VMP1: variants seen among roughly 807,000 people sequenced by gnomAD.
VMP1 encodes the protein ectopic P-granules autophagy protein 3 homolog.
VMP1 carries 11 observed loss-of-function variants against 56.0 expected under a neutral mutation model. That is an observed-to-expected ratio of 0.20 (90% CI 0.12 to 0.32). VMP1 has a LOEUF of 0.32. Among genes scored for constraint, VMP1 ranks in the 10% least tolerant of loss-of-function variants. VMP1 has a pLI of 1.00. For missense variants in VMP1, 296 were observed against 490.3 expected (o/e 0.60, Z 3.74); for synonymous variants, 149 against 165.0 (o/e 0.90, Z 0.74).
intron 7 of VMP1, among the ~76,000 whole-genome samples, chr17:59,807,615 C>T (rs1038437445): frequency 6.6e-6 from 1 of 151,890 alleles, no homozygotes; most frequent in Non-Finnish European, 1.5e-5. Flanking sequence ...AGCTGATCAC[C>T]TGAGGTCAGG....
At chr17:59,723,266 T>A (rs367550058) in intron 1 of VMP1, among the ~76,000 whole-genome samples, 2 of 152,180 alleles carry the variant, frequency 1.3e-5, no homozygotes, top group Non-Finnish European at 2.9e-5. Context: ...AAAGAAAGAA[T>A]TGTCAGTATG....
intron 1 of VMP1, among the ~76,000 whole-genome samples, chr17:59,718,492 G>A (rs935007454): frequency 2.0e-5 from 3 of 150,608 alleles, no homozygotes; most frequent in South Asian, 4.2e-4. Context: ...CACCGTGCCC[G>A]GCCCCTCCTT....
chr17:59,727,324 C>G (rs182712725), intron 1 of VMP1, among the ~76,000 whole-genome samples: 1 of 151,892 alleles, frequency 6.6e-6, no homozygotes, highest in Non-Finnish European at 1.5e-5. Context: ...TTAGTAGAGA[C>G]AGGCTTTCAC....
At chr17:59,731,315 CAT>C in intron 1 of VMP1, 104 bp from the exon 2 acceptor site, 2 of 614,706 alleles carry the variant, frequency 3.3e-6, no homozygotes, top group Non-Finnish European at 5.4e-6. Flanking sequence ...TCATACATAT[CAT>C]GTGGCTTATT....
At chr17:59,783,193 C>G (rs952364141) in intron 7 of VMP1, among the ~76,000 whole-genome samples, 1 of 151,828 alleles carries the variant, frequency 6.6e-6, no homozygotes, top group African/African-American at 2.4e-5. Context: ...GAGACTCTGT[C>G]TCAAAAAAAC....
At chr17:59,786,468 G>C (rs959188095) in intron 7 of VMP1, among the ~76,000 whole-genome samples, 1 of 152,204 alleles carries the variant, frequency 6.6e-6, no homozygotes, top group African/African-American at 2.4e-5. Flanking sequence ...ATTCATGAAA[G>C]AGTTTATGGT....
chr17:59,817,692 A>G lies in VMP1; in HGVS notation c.913-20A>G. On this transcript the variant is annotated intron_variant, in intron 9 of 11. Transcript: ENST00000262291. ...TTTTGATGACTAAATAATTTATTTT[A>G]ACTGGTGTTTTCTTTACAGAAAATT... The G allele has an allele frequency of 1.3e-6, 2 of 1,567,794 alleles. No homozygotes were observed.
In VMP1 at chr17:59,832,182, C is replaced by CTTTT. The variant is rs766864144; in HGVS notation, c.975-6092_975-6089dup. Among the ~76,000 whole-genome samples the CTTTT allele has an allele frequency of 1.1e-3, 117 of 102,802 alleles. 6 individuals are homozygous for CTTTT. Among genetic ancestry groups the CTTTT allele is most frequent in the African/African-American group, 2.5e-3 (62 of 24,634 alleles). The allele number at this position is 102,802 out of a possible 152,430, so 67.4% of individuals were successfully genotyped here. On this transcript the variant is annotated intron_variant, in intron 10 of 11. Transcript: ENST00000262291. The stretch of plus-strand genomic sequence containing the variant: ...AGCAAGGAAAAGCAAATGAGATCAA[C>CTTTT]TTTTTTTTTTTTTTTTTTTTTTTTG...
chr17:59,755,173 T>A (rs1051319999), intron 5 of VMP1, among the ~76,000 whole-genome samples: 3 of 151,720 alleles, frequency 2.0e-5, no homozygotes, highest in Non-Finnish European at 4.4e-5. Flanking sequence ...AATGGCGCGA[T>A]CTTGGCTCAC....
intron 7 of VMP1, among the ~76,000 whole-genome samples, chr17:59,786,960 A>G (rs1204249559): frequency 6.6e-6 from 1 of 152,208 alleles, no homozygotes; most frequent in African/African-American, 2.4e-5. Flanking sequence ...CTCTTTTCAT[A>G]ATCAACCAAC....
intron 5 of VMP1, among the ~76,000 whole-genome samples, chr17:59,751,558 A>G (rs1240825457): frequency 6.7e-6 from 1 of 148,200 alleles, no homozygotes; most frequent in East Asian, 2.1e-4. Context: ...CCTGGCCAAC[A>G]TGGTGAAACC....
Position 59,839,975 on chromosome 17 carries a change from C to T in VMP1, c.*64C>T. 6.4e-6 allele frequency: 10 copies of T among 1,570,116 alleles called. No homozygotes were observed. Among genetic ancestry groups the T allele is most frequent in the Non-Finnish European group, 8.6e-6 (10 of 1,165,908 alleles). On this transcript the variant is annotated 3_prime_UTR_variant, in exon 12 of 12. Transcript: ENST00000262291. ...GGTTCTGCCTTAAATTGGGAGGACT[C>T]CAAGCCGGGAAGGAAAATTCCCTTT...
chr17:59,817,763 G>T lies in VMP1; in HGVS notation c.964G>T (p.Ala322Ser), dbSNP rs142698905. 1 of 1,606,878 alleles carries T rather than the reference G, an allele frequency of 6.2e-7. No homozygotes were observed. The highest frequency in any genetic ancestry group is 1.3e-5 in the African/African-American group (1 of 74,598). Residue 322 changes from alanine to serine, a missense_variant, in exon 10 of 12, where the codon GCT becomes TCT. Around this residue, in one of 4 missense-constraint regions of VMP1, gnomAD observed 95 missense variants for 137.6 expected, o/e 0.69. Coordinates refer to ENST00000262291, the MANE Select transcript of VMP1 (RefSeq NM_030938.5). ...FSKHIVEQMV[A>S]FIGAVPGIGP... Reference sequence around the variant, plus strand: ...CAAGCACATAGTGGAGCAAATGGTGGCTTTCATTGGGTAAGTAATTCTTCA... The same window carrying T: ...CAAGCACATAGTGGAGCAAATGGTGTCTTTCATTGGGTAAGTAATTCTTCA...
chr17:59,769,001 A>C (rs1001534713), intron 6 of VMP1, among the ~76,000 whole-genome samples: 1 of 150,922 alleles, frequency 6.6e-6, no homozygotes, highest in Non-Finnish European at 1.5e-5. Context: ...CAGGTCTGTA[A>C]TCCCAGCTAC....
chr17:59,776,336 A>G (rs1005692904), intron 7 of VMP1, among the ~76,000 whole-genome samples: 3 of 152,248 alleles, frequency 2.0e-5, no homozygotes, highest in Non-Finnish European at 1.5e-5. Flanking sequence ...ATAAAGAGCC[A>G]TGAATATCTG....
At chr17:59,802,133 G>T (rs2037692479) in intron 7 of VMP1, among the ~76,000 whole-genome samples, 1 of 151,932 alleles carries the variant, frequency 6.6e-6, no homozygotes, top group Non-Finnish European at 1.5e-5. Flanking sequence ...CCCAGGAGGT[G>T]GAGGTTGCAT....
intron 7 of VMP1, among the ~76,000 whole-genome samples, chr17:59,782,236 T>C (rs1263944137): frequency 6.6e-6 from 1 of 152,172 alleles, no homozygotes; most frequent in Non-Finnish European, 1.5e-5. Flanking sequence ...CTTTTATGGT[T>C]TTATTCTTTT....
At chr17:59,757,081 G>A (rs1428485070) in intron 5 of VMP1, among the ~76,000 whole-genome samples, 1 of 151,992 alleles carries the variant, frequency 6.6e-6, no homozygotes, top group African/African-American at 2.4e-5. Context: ...TTACTAATAT[G>A]ATTTTTTCAC....
chr17:59,738,152 C>G (rs1050131398), intron 4 of VMP1, among the ~76,000 whole-genome samples: 3 of 152,176 alleles, frequency 2.0e-5, no homozygotes, highest in Non-Finnish European at 4.4e-5. Context: ...CTTATTTTCT[C>G]TAACATACTT....
Sources: allele counts gnomAD v4.1 joint callset (sites outside exome capture counted in the v4.1 genomes callset), GRCh38; gene constraint gnomAD v4.1.1; regional missense constraint gnomAD v4.1.1; transcripts MANE v1.5; gene names NCBI Gene and HGNC (gene_info 2026-07-23, HGNC 2026-07-21).